The following DNAH8 variants were observed in gnomAD, a reference collection of about 807,000 sequenced individuals.
The protein encoded by DNAH8 is dynein axonemal heavy chain 8, also known as axonemal beta dynein heavy chain 8.
In DNAH8, 382 loss-of-function variants were observed where a neutral mutation model predicts 562.1. That is an observed-to-expected ratio of 0.68 (90% CI 0.63 to 0.74). The LOEUF (loss-of-function observed/expected upper bound fraction) is 0.74. Among genes scored for constraint, DNAH8 ranks in the 30% least tolerant of loss-of-function variants. DNAH8 has a pLI of 0.00. For synonymous variants in DNAH8, 1,881 were observed against 1,919.4 expected, an observed-to-expected ratio of 0.98 and a Z score of 0.52; for missense variants, 5,203 against 5,620.4, an observed-to-expected ratio of 0.93 and a Z score of 2.37.
chr6:39,006,531 T>A (rs1765808299), intron 88 of DNAH8, among the ~76,000 whole-genome samples: 1 of 152,208 alleles, frequency 6.6e-6, no homozygotes. Context: ...CCTTACAACT[T>A]TTTAAACTTT....
intron 15 of DNAH8, among the ~76,000 whole-genome samples, chr6:38,780,436 A>T (rs530405381): frequency 2.6e-5 from 4 of 152,200 alleles, no homozygotes; most frequent in Non-Finnish European, 5.9e-5. Context: ...TATGGAATCA[A>T]CCCAAATGCC....
At chr6:38,945,969 AG>A (rs775983668) in intron 80 of DNAH8, among the ~76,000 whole-genome samples, 9 of 152,238 alleles carry the variant, frequency 5.9e-5, no homozygotes, top group Non-Finnish European at 8.8e-5. Flanking sequence ...TAAGAGGTTG[AG>A]GTCCCTCTAA....
At chr6:38,852,446 C>A (rs1385086869) in intron 39 of DNAH8, among the ~76,000 whole-genome samples, 1 of 151,952 alleles carries the variant, frequency 6.6e-6, no homozygotes, top group Non-Finnish European at 1.5e-5. Context: ...AGGTGACAGT[C>A]CTTAGTCTAA....
intron 88 of DNAH8, among the ~76,000 whole-genome samples, chr6:39,002,627 G>A (rs946288264): frequency 6.6e-6 from 1 of 151,898 alleles, no homozygotes; most frequent in Non-Finnish European, 1.5e-5. Flanking sequence ...GTGTCTTTTG[G>A]GATATTCCAA....
At chr6:38,823,965 G>A (rs1354047612) in intron 28 of DNAH8, among the ~76,000 whole-genome samples, 1 of 151,990 alleles carries the variant, frequency 6.6e-6, no homozygotes, top group Non-Finnish European at 1.5e-5. Flanking sequence ...ACACACATCC[G>A]TAGACACACT....
chr6:38,988,127 C>T (rs1764530478), intron 87 of DNAH8, among the ~76,000 whole-genome samples: 1 of 152,214 alleles, frequency 6.6e-6, no homozygotes, highest in Admixed American at 6.5e-5. Context: ...CTCTGACTTT[C>T]AATCTCGGGC....
intron 1 of DNAH8, among the ~76,000 whole-genome samples, chr6:38,721,303 A>G (rs796188192): frequency 1.3e-5 from 2 of 151,632 alleles, no homozygotes; most frequent in Non-Finnish European, 2.9e-5. Context: ...ACATAATGAG[A>G]CCTTGTCTCT....
intron 48 of DNAH8, among the ~76,000 whole-genome samples, chr6:38,869,862 G>C (rs781244993): frequency 6.6e-6 from 1 of 152,166 alleles, no homozygotes; most frequent in Non-Finnish European, 1.5e-5. Flanking sequence ...GAATGCTAAC[G>C]AACTTTGGGT....
At chr6:38,797,527 G>A (rs1770382589) in intron 21 of DNAH8, among the ~76,000 whole-genome samples, 1 of 152,004 alleles carries the variant, frequency 6.6e-6, no homozygotes, top group South Asian at 2.1e-4. Flanking sequence ...CCCCTCCCCT[G>A]AAACTAAAAG....
chr6:38,868,305 G>GGGATA, intron 48 of DNAH8, 109 bp downstream of exon 48: 1 of 1,082,834 alleles, frequency 9.2e-7, no homozygotes, highest in Non-Finnish European at 1.3e-6. Flanking sequence ...CATAATTACA[G>GGGATA]GGATAATAAG....
chr6:38,796,587 G>C (rs1381960851), intron 21 of DNAH8, among the ~76,000 whole-genome samples: 2 of 152,058 alleles, frequency 1.3e-5, no homozygotes, highest in Non-Finnish European at 2.9e-5. Context: ...GACCTAACTG[G>C]TTATGTTATC....
At chr6:38,780,617 A>G (rs553558879) in intron 15 of DNAH8, among the ~76,000 whole-genome samples, 9 of 152,260 alleles carry the variant, frequency 5.9e-5, no homozygotes, top group Admixed American at 2.0e-4. Flanking sequence ...ACATGTTCTC[A>G]CTTATAAGTG....
Position 38,863,887 on chromosome 6 carries a change from G to A in DNAH8, c.6325G>A (p.Gly2109Ser), listed in dbSNP as rs748575207. Residue 2109 changes from glycine (G) to serine (S), a missense_variant, in exon 45 of 93, where the codon GGT (glycine) becomes AGT (serine). By Grantham distance (56) the Gly-to-Ser change is moderately conservative. Coordinates refer to ENST00000327475, the MANE Select transcript of DNAH8 (RefSeq NM_001206927.2). ...GRIFKGLAQS[G>S]SWGCFDEFNR... is the part of the protein sequence containing the mutation. ...TTTCATGCCAGGTCTTGCACAGTCG[G>A]GTTCCTGGGGCTGTTTTGATGAGTT... 1.9e-6 allele frequency: 3 copies of A among 1,596,386 alleles called. No individual in the cohort carries two copies. Among genetic ancestry groups the A allele is most frequent in the Non-Finnish European group, 1.7e-6 (2 of 1,175,812 alleles).
chr6:38,839,637 TG>T (rs2150366771), intron 33 of DNAH8, among the ~76,000 whole-genome samples: 1 of 151,998 alleles, frequency 6.6e-6, no homozygotes, highest in African/African-American at 2.4e-5. Context: ...AGATTTCAGG[TG>T]TGAGCACCCG....
At chr6:38,873,198 C>T in intron 51 of DNAH8, 38 bp from the exon 52 acceptor site, 3 of 1,612,614 alleles carry the variant, frequency 1.9e-6, no homozygotes, top group Non-Finnish European at 2.5e-6. Flanking sequence ...CCACGTTTCA[C>T]TTTCTCAATA....
At chr6:38,976,582 G>C (rs182361901) in intron 85 of DNAH8, among the ~76,000 whole-genome samples, 1 of 152,174 alleles carries the variant, frequency 6.6e-6, no homozygotes, top group Admixed American at 6.5e-5. Flanking sequence ...GCTTGTTGGA[G>C]GTGCATGTCA....
Position 38,924,038 on chromosome 6 carries a change from GT to G in DNAH8, c.10839del (p.Pro3614LeufsTer19), listed in dbSNP as rs1750348449. 6.2e-6 allele frequency: 10 copies of G among 1,613,794 alleles called. No individual in the cohort carries two copies. Among genetic ancestry groups the G allele is most frequent in the Non-Finnish European group, 8.5e-6 (10 of 1,179,926 alleles). ...LLCTGFLSYLGPFNQIFRNYL... is the reference protein window; with the variant it reads ...LLCTGFLSYLXPFNQIFRNYL... ...TGCACGGGATTCCTTTCCTACCTTG[GT>G]CCTTTCAATCAGATATTTAGGAACT... On this transcript the variant is annotated frameshift_variant, in exon 73 of 93. Coordinates refer to ENST00000327475, the MANE Select transcript of DNAH8 (RefSeq NM_001206927.2). LOFTEE classifies it high-confidence loss of function.
chr6:38,797,546 A>G (rs748322698), intron 21 of DNAH8, among the ~76,000 whole-genome samples: 5 of 151,998 alleles, frequency 3.3e-5, no homozygotes, highest in African/African-American at 7.2e-5. Context: ...AGGAATTTTA[A>G]TTGCCCGTTT....
Position 38,783,033 on chromosome 6 carries a change from C to G in DNAH8, c.2289C>G (p.Asp763Glu). ...ACTCAGACATTTTATCAAGTCCGGA[C>G]GGTAAAGCTGTCATCCGTCAGTATA... is the stretch of plus-strand genomic sequence containing the variant. ...FKNSDILSSP[D>E]GKAVIRQYNK... Residue 763 changes from aspartate (D) to glutamate (E), a missense_variant, in exon 17 of 93, where the codon GAC (aspartate) becomes GAG (glutamate). Asp to Glu is a conservative substitution (Grantham distance 45, BLOSUM62 2). Coordinates refer to ENST00000327475, the MANE Select transcript of DNAH8 (RefSeq NM_001206927.2). The G allele has an allele frequency of 1.9e-6, 3 of 1,613,722 alleles. No individual in the cohort carries two copies. The highest frequency in any genetic ancestry group is 2.5e-6 in the Non-Finnish European group (3 of 1,179,792).
Sources: gnomAD v4.1 joint callset for allele counts (sites outside exome capture counted in the v4.1 genomes callset) on GRCh38, gnomAD v4.1.1 for gene constraint, MANE v1.5 for transcripts, NCBI Gene and HGNC (gene_info 2026-07-23, HGNC 2026-07-21) for gene names.